POLR1C: variants seen among roughly 807,000 people sequenced by gnomAD.
POLR1C encodes the protein DNA-directed RNA polymerases I and III subunit RPAC1.
Under a neutral mutation model 38.3 loss-of-function variants are expected in POLR1C, and 42 were observed. The observed-to-expected ratio is 1.10, with a 90% confidence interval of 0.86 to 1.42. The LOEUF (loss-of-function observed/expected upper bound fraction) is 1.42. POLR1C is among the 40% of genes most tolerant of loss of function. POLR1C has a pLI of 0.00. For synonymous variants in POLR1C, 163 were observed against 163.9 expected (o/e 0.99, Z 0.04); for missense variants, 507 against 450.5 (o/e 1.13, Z -1.14).
At position 43,520,386 on chromosome 6, in the gene POLR1C, GC is replaced by G. The variant is rs1156407486; in HGVS notation, c.616del (p.Gln206LysfsTer48). On this transcript the variant is annotated frameshift_variant, in exon 6 of 9. Transcript: ENST00000642195. LOFTEE classifies it high-confidence loss of function. ...DDILIAQLRP[G>X]QEIDLLMHCV... ...ATCCTCATCGCTCAGCTGCGGCCTG[GC>G]CAAGAAATTGACCTGCTCATGCACT... is the stretch of plus-strand genomic sequence containing the variant. 2.5e-6 allele frequency: 4 copies of G among 1,613,712 alleles called. No individual in the cohort carries two copies. Among genetic ancestry groups the G allele is most frequent in the Non-Finnish European group, 3.4e-6 (4 of 1,180,046 alleles).
chr6:43,552,348 G>A (rs978637867), intron 10 of POLR1C, among the ~76,000 whole-genome samples: 2 of 151,716 alleles, frequency 1.3e-5, no homozygotes, highest in Non-Finnish European at 2.9e-5. Flanking sequence ...GAGCCACTGC[G>A]CCCCACCCTT....
chr6:43,549,658 A>G lies in POLR1C; in HGVS notation c.*5-1310A>G, dbSNP rs1795134887. 8.1e-6 allele frequency: 12 copies of G among 1,473,500 alleles called. No individual in the cohort carries two copies. In the South Asian group the frequency reaches 1.3e-4, roughly 16 times the overall value. 91.3% of individuals were successfully genotyped at this position (1,473,500 alleles called of 1,614,324 possible). On this transcript the variant is annotated intron_variant, in intron 9 of 10. Coordinates refer to the POLR1C transcript ENST00000607635. ...CTGCATAGACTCATGTGAATATCTC[A>G]GTCAGGGGCAAATTCACAATGATTT...
rs567744785 is a variant in POLR1C at position 43,520,268 on chromosome 6, C to T, written c.503-7C>T. The T allele has an allele frequency of 8.2e-5, 133 of 1,613,150 alleles. 1 individual carries two copies. In the South Asian group the frequency reaches 1.4e-3, roughly 17 times the overall value. ...GACTGAGATCTTCTGACATGTTTTT[C>T]CTCCAGTGTATACCAGGCATATGAC... On this transcript the variant is annotated splice_region_variant and splice_polypyrimidine_tract_variant and intron_variant, in intron 5 of 8. Transcript: ENST00000642195.
Position 43,557,227 on chromosome 6 carries a change from C to T in POLR1C, c.*49-4173C>T, listed in dbSNP as rs1333513565. ...GGATCACGAGGTCAGGAGATTGAGA[C>T]CATCCTGGCTAACACAGTGAAACCC... On this transcript the variant is annotated intron_variant, in intron 10 of 10. Coordinates refer to the POLR1C transcript ENST00000607635. Among the ~76,000 whole-genome samples the T allele has an allele frequency of 2.0e-5, 3 of 150,986 alleles. No homozygotes were observed. In the East Asian group the frequency reaches 5.8e-4, roughly 29 times the overall value.
intron 8 of POLR1C, 23 bp downstream of exon 8, chr6:43,521,071 A>G: frequency 4.4e-6 from 7 of 1,600,786 alleles, no homozygotes; most frequent in Non-Finnish European, 6.0e-6. Context: ...TGGTGAGATG[A>G]GTGGGCAGTG....
At chr6:43,519,142 A>T in intron 2 of POLR1C, 191 bp from the exon 3 acceptor site, 1 of 634,444 alleles carries the variant, frequency 1.6e-6, no homozygotes, top group East Asian at 2.8e-5. Context: ...TAATGAATGG[A>T]CGACAAAAAT....
intron 10 of POLR1C, chr6:43,558,467 C>A: frequency 6.5e-7 from 1 of 1,539,966 alleles, no homozygotes; most frequent in Non-Finnish European, 8.8e-7. Flanking sequence ...CATTCTGAGA[C>A]TGTTGAGAGA....
chr6:43,558,044 G>A (rs148474326), intron 10 of POLR1C, among the ~76,000 whole-genome samples: 1,887 of 151,262 alleles, frequency 0.012, 43 homozygotes, highest in African/African-American at 0.044. Context: ...GTGGTGAGCC[G>A]AGATCGCGCC....
downstream of POLR1C, chr6:43,525,073 A>G (rs1325900467): frequency 3.2e-6 from 5 of 1,571,228 alleles, no homozygotes; most frequent in Middle Eastern, 6.6e-4. Flanking sequence ...CAAACCTTCC[A>G]TGAGGGGCAG....
intron 2 of POLR1C, among the ~76,000 whole-genome samples, chr6:43,518,509 T>C (rs995823855): frequency 1.3e-5 from 2 of 152,034 alleles, no homozygotes; most frequent in African/African-American, 4.8e-5. Context: ...AGAAGTGAGA[T>C]AACATTTTGG....
At chr6:43,519,592 C>T in intron 3 of POLR1C, 114 bp from the exon 4 acceptor site, 2 of 1,513,464 alleles carry the variant, frequency 1.3e-6, no homozygotes, top group South Asian at 2.3e-5. Flanking sequence ...GTAAATTTCT[C>T]ATTAAACATT....
At chr6:43,517,921 G>T (rs757398583) in intron 2 of POLR1C, among the ~76,000 whole-genome samples, 100 of 152,014 alleles carry the variant, frequency 6.6e-4, no homozygotes, top group Admixed American at 2.0e-4. Context: ...TGACCTTTGC[G>T]TGCAGCTTAT....
intron 6 of POLR1C, 47 bp downstream of exon 6, chr6:43,520,474 A>G: frequency 1.2e-6 from 2 of 1,610,936 alleles, no homozygotes; most frequent in Non-Finnish European, 8.5e-7. Context: ...GTTCGGTTGC[A>G]GTGGGGCAAG....
At chr6:43,532,421 G>T (rs981804742), downstream of POLR1C, among the ~76,000 whole-genome samples, 3 of 152,168 alleles carry the variant, frequency 2.0e-5, no homozygotes, top group Non-Finnish European at 4.4e-5. Flanking sequence ...AAACTATGGG[G>T]GCTGTGATGG....
chr6:43,548,181 C>A, intron 9 of POLR1C: 1 of 1,401,648 alleles, frequency 7.1e-7, no homozygotes, highest in African/African-American at 1.4e-5. Flanking sequence ...TCCTTAACCC[C>A]TACCCCACCC....
At chr6:43,518,035 A>G (rs76861565) in intron 2 of POLR1C, among the ~76,000 whole-genome samples, 1 of 152,216 alleles carries the variant, frequency 6.6e-6, no homozygotes, top group African/African-American at 2.4e-5. Context: ...TTGAAAAAAA[A>G]TTATGGCTTG....
downstream of POLR1C, chr6:43,525,866 G>T: frequency 6.2e-7 from 1 of 1,614,012 alleles, no homozygotes; most frequent in South Asian, 1.1e-5. Context: ...ATTTGCCCAG[G>T]TCTGTAAGCT....
At chr6:43,560,124 G>A in intron 10 of POLR1C, 1 of 1,582,212 alleles carries the variant, frequency 6.3e-7, no homozygotes. Flanking sequence ...CAGCCTCAAA[G>A]TCTTATTATG....
chr6:43,524,974 G>A, downstream of POLR1C: 2 of 1,612,484 alleles, frequency 1.2e-6, no homozygotes, highest in Non-Finnish European at 1.7e-6. Context: ...AGCACCTGGG[G>A]AGACAACTGT....
Sources: gnomAD v4.1 joint callset for allele counts (sites outside exome capture counted in the v4.1 genomes callset) on GRCh38, gnomAD v4.1.1 for gene constraint, MANE v1.5 for transcripts, NCBI Gene and HGNC (gene_info 2026-07-23, HGNC 2026-07-21) for gene names.